Variants in MYT1 observed in about 807,000 individuals in gnomAD.
MYT1 encodes myelin transcription factor I.
MYT1 carries 23 observed loss-of-function variants against 123.0 expected under a neutral mutation model. The observed-to-expected ratio is 0.19, with a 90% confidence interval of 0.13 to 0.26. The LOEUF (loss-of-function observed/expected upper bound fraction) is 0.26, where lower values mean the gene tolerates loss of function less well. Ranked by LOEUF, MYT1 falls within the 10% of genes least tolerant of loss-of-function variation. The pLI is 1.00. For synonymous variants in MYT1, 518 were observed against 575.3 expected, an observed-to-expected ratio of 0.90 and a Z score of 1.43; for missense variants, 1,125 against 1,472.5, an observed-to-expected ratio of 0.76 and a Z score of 3.86.
intron 16 of MYT1, among the ~76,000 whole-genome samples, chr20:64,224,240 C>T (rs1313769935): frequency 2.0e-5 from 3 of 152,242 alleles, no homozygotes; most frequent in Admixed American, 6.5e-5. Flanking sequence ...GTCCCTCCCT[C>T]CCATAGGCCT....
chr20:64,201,932 CG>C (rs1568708062), intron 4 of MYT1, among the ~76,000 whole-genome samples: 2 of 65,086 alleles, frequency 3.1e-5, no homozygotes, highest in African/African-American at 6.1e-5. Context: ...CGGGAACCCC[CG>C]CGTGTCGGGA....
In MYT1 at chr20:64,190,960, C is replaced by T. The variant is rs1451170365; in HGVS notation, c.-1+800C>T. ...CTCCAGCCTGGGTGACAGAGCAAGA[C>T]TCCATCTCAGAAAACAAGCAAGCAA... is the stretch of plus-strand genomic sequence containing the variant. On this transcript the variant is annotated intron_variant, in intron 2 of 22. Coordinates refer to ENST00000328439, the MANE Select transcript of MYT1 (RefSeq NM_004535.3). This position sits in a 1 kb window ranked among gnomAD's most constrained non-coding sequence, Gnocchi z 4.1. Among the ~76,000 whole-genome samples the T allele has an allele frequency of 6.6e-6, 1 of 152,222 alleles. No homozygotes were observed. The highest frequency in any genetic ancestry group is 1.5e-5 in the Non-Finnish European group (1 of 68,038).
chr20:64,212,162 A>C lies in MYT1; in HGVS notation c.1517+24A>C. 3.5e-6 allele frequency: 4 copies of C among 1,156,582 alleles called. No homozygotes were observed. The highest frequency in any genetic ancestry group is 4.1e-5 in the Admixed American group (2 of 48,430). The allele number at this position is 1,156,582 out of a possible 1,614,324, so 71.6% of individuals were successfully genotyped here. On this transcript the variant is annotated intron_variant, in intron 9 of 22. Transcript: ENST00000328439. This position sits in a 1 kb window ranked among gnomAD's most constrained non-coding sequence, Gnocchi z 6.8. ...AGGTACTTGGACTGAGCTGGGCCGT[A>C]GTGGGGGCCAGGGTGGGGGCCGTGG...
At chr20:64,211,769 G>C (rs1293954534) in intron 8 of MYT1, among the ~76,000 whole-genome samples, 1 of 152,236 alleles carries the variant, frequency 6.6e-6, no homozygotes, top group African/African-American at 2.4e-5. Flanking sequence ...CACAGAATGA[G>C]AGGTTTTAAA....
rs1345082358 is a variant in MYT1, at chr20:64,168,071, A to G, written c.-99+3332A>G. On this transcript the variant is annotated intron_variant, in intron 1 of 22. Coordinates refer to ENST00000328439, the MANE Select transcript of MYT1 (RefSeq NM_004535.3). This position sits in a 1 kb window ranked among gnomAD's most constrained non-coding sequence, Gnocchi z 6.1. ...TGTCTGCTGGAGGCCTGGGGGGTGG[A>G]ATGTGCTTTCACGGCCTCTTGAGGT... Among the ~76,000 whole-genome samples the G allele has an allele frequency of 6.6e-6, 1 of 152,148 alleles. No homozygotes were observed. The highest frequency in any genetic ancestry group is 1.9e-4 in the East Asian group (1 of 5,190).
chr20:64,227,717 G>A (rs1984208718), intron 17 of MYT1, among the ~76,000 whole-genome samples, 171 bp from the exon 18 acceptor site: 2 of 152,194 alleles, frequency 1.3e-5, no homozygotes, highest in African/African-American at 4.8e-5. Flanking sequence ...GCTGCCTCGT[G>A]TGAAGGCTGT....
intron 21 of MYT1, among the ~76,000 whole-genome samples, chr20:64,239,376 G>A (rs1031030452): frequency 2.0e-5 from 3 of 152,282 alleles, no homozygotes; most frequent in Admixed American, 6.5e-5. Flanking sequence ...GGTGGAGTCT[G>A]AGATTGAGAC....
intron 21 of MYT1, among the ~76,000 whole-genome samples, chr20:64,237,765 G>A (rs1025054453): frequency 6.6e-6 from 1 of 152,222 alleles, no homozygotes; most frequent in Admixed American, 6.5e-5. Context: ...AGTCTTGTGA[G>A]TACCAGTGGT....
At chr20:64,201,543 T>C (rs1331212679) in intron 4 of MYT1, among the ~76,000 whole-genome samples, 1 of 152,218 alleles carries the variant, frequency 6.6e-6, no homozygotes, top group Non-Finnish European at 1.5e-5. Context: ...GCACGGAAGG[T>C]ACCATTCATT....
intron 7 of MYT1, among the ~76,000 whole-genome samples, chr20:64,209,608 G>A (rs1983605069): frequency 6.6e-6 from 1 of 152,204 alleles, no homozygotes; most frequent in African/African-American, 2.4e-5. Context: ...GAGAGAACTG[G>A]GATGGGAGAT....
chr20:64,195,400 A>ATTT (rs1568704696), intron 2 of MYT1, among the ~76,000 whole-genome samples: 9 of 7,826 alleles, frequency 1.2e-3, no homozygotes, highest in Middle Eastern at 0.1. Flanking sequence ...GTGTGTGTAT[A>ATTT]CTTTTTTTTT....
At chr20:64,178,913 G>A (rs571721258) in intron 1 of MYT1, among the ~76,000 whole-genome samples, 37 of 135,502 alleles carry the variant, frequency 2.7e-4, no homozygotes, top group Admixed American at 7.9e-4. Flanking sequence ...GCCCTTCAAC[G>A]TGGGAGCACT....
At position 64,242,043 on chromosome 20, in the gene MYT1, G is replaced by T. The variant is rs879275867; in HGVS notation, c.*1595G>T. 6.6e-6 allele frequency: 1 copy of T among 152,532 alleles called. No individual in the cohort carries two copies. The highest frequency in any genetic ancestry group is 1.5e-5 in the Non-Finnish European group (1 of 68,042). The allele number at this position is 152,532 out of a possible 1,614,324, so 9.4% of individuals were successfully genotyped here. A position where few individuals can be genotyped will look rare whatever the true frequency, so the allele number is the denominator to read the frequency against. On this transcript the variant is annotated 3_prime_UTR_variant, in exon 23 of 23. Transcript: ENST00000328439. ...GGCGTGTTTCTCGTGTCGCGTTTGC[G>T]TGTCGGCTCTTGCGGTGGAGTCCTG...
rs1983111070 is a variant in MYT1 at position 64,196,122 on chromosome 20, C to T, written c.1-2740C>T. On this transcript the variant is annotated intron_variant, in intron 2 of 22. Transcript: ENST00000328439. The surrounding 1 kb of genome is among the most constrained non-coding windows in gnomAD (Gnocchi z 4.3). ...AGGTCACCGGGCTATCTGTGGGTTGCGCAAAAAAGGGACCTGGTTGGCTTG... is the reference window on the plus strand; with the variant it reads ...AGGTCACCGGGCTATCTGTGGGTTGTGCAAAAAAGGGACCTGGTTGGCTTG... Among the ~76,000 whole-genome samples the T allele has an allele frequency of 6.6e-6, 1 of 151,762 alleles. No individual in the cohort carries two copies. Among genetic ancestry groups the T allele is most frequent in the Non-Finnish European group, 1.5e-5 (1 of 67,930 alleles).
chr20:64,207,723 A>C lies in MYT1; in HGVS notation c.527A>C (p.Glu176Ala), dbSNP rs1402444226. ...TSLLNLGQIA[E>A]ETLVEEDLGQ... is the part of the protein sequence containing the mutation. ...CTCCTGAACTTGGGTCAAATTGCTGAAGAGACCCTGGTGGAAGAGGACTTG... is the reference window on the plus strand; with the variant it reads ...CTCCTGAACTTGGGTCAAATTGCTGCAGAGACCCTGGTGGAAGAGGACTTG... The change falls in exon 7 of 23, where the codon GAA becomes GCA. Residue 176 changes from glutamate (E) to alanine (A), a missense_variant. Physicochemically the swap from Glu to Ala is moderately radical, Grantham distance 107. Coordinates refer to ENST00000328439, the MANE Select transcript of MYT1 (RefSeq NM_004535.3). 1 of 1,614,028 alleles carries C rather than the reference A, an allele frequency of 6.2e-7. No homozygotes were observed.
In MYT1 at chr20:64,166,151, A is replaced by T. The variant is rs1236593088; in HGVS notation, c.-99+1412A>T. Among the ~76,000 whole-genome samples, 1 of 152,194 alleles carries T rather than the reference A, an allele frequency of 6.6e-6. No individual in the cohort carries two copies. Among genetic ancestry groups the T allele is most frequent in the Non-Finnish European group, 1.5e-5 (1 of 68,026 alleles). On this transcript the variant is annotated intron_variant, in intron 1 of 22. Transcript: ENST00000328439. The surrounding 1 kb of genome is among the most constrained non-coding windows in gnomAD (Gnocchi z 4.9). ...CTCCTTCCATATGGCCCTGTTAATT[A>T]ACGGTAAACAAAAGAGTAAGAGAGC...
At chr20:64,183,260 C>T (rs1031826305) in intron 1 of MYT1, among the ~76,000 whole-genome samples, 2 of 152,222 alleles carry the variant, frequency 1.3e-5, no homozygotes, top group Non-Finnish European at 2.9e-5. Context: ...CACTGTATTT[C>T]GTATCACCCA....
At chr20:64,187,463 C>T (rs138157316) in intron 1 of MYT1, among the ~76,000 whole-genome samples, 1,789 of 150,992 alleles carry the variant, frequency 0.012, 20 homozygotes, top group African/African-American at 0.042. Flanking sequence ...TCCACGTTTC[C>T]GTGGAGACTT....
rs1420620825 is a variant in MYT1 at position 64,213,759 on chromosome 20, G to A, written c.1631+112G>A. The A allele has an allele frequency of 1.1e-5, 9 of 852,752 alleles. No individual in the cohort carries two copies. The highest frequency in any genetic ancestry group is 1.7e-5 in the Non-Finnish European group (9 of 529,376). The allele number at this position is 852,752 out of a possible 1,614,324, so 52.8% of individuals were successfully genotyped here. On this transcript the variant is annotated intron_variant, in intron 10 of 22. Coordinates refer to ENST00000328439, the MANE Select transcript of MYT1 (RefSeq NM_004535.3). The surrounding 1 kb of genome is among the most constrained non-coding windows in gnomAD (Gnocchi z 5.6). ...TGTGTGTGAGTGCATGTGTGTGAGT[G>A]TACGTGCATGTGAGTGTACGTGCAT...
Sources: allele counts gnomAD v4.1 joint callset (sites outside exome capture counted in the v4.1 genomes callset), GRCh38; gene constraint gnomAD v4.1.1; non-coding constraint Gnocchi (gnomAD v3.1); transcripts MANE v1.5; gene names NCBI Gene and HGNC (gene_info 2026-07-23, HGNC 2026-07-21).